The following TIAM1 variants were observed in gnomAD, a reference collection of about 807,000 sequenced individuals.
The protein encoded by TIAM1 is rho guanine nucleotide exchange factor TIAM1.
A neutral mutation model predicts 163.5 loss-of-function variants in TIAM1; 65 were observed. The observed-to-expected ratio is 0.40, with a 90% confidence interval of 0.33 to 0.49. The LOEUF is 0.49. TIAM1 is among the 20% of genes least tolerant of loss of function. TIAM1 has a pLI of 0.77. For missense variants in TIAM1, 1,789 were observed against 2,044.7 expected (o/e 0.87, Z 2.41); for synonymous variants, 833 against 810.1 (o/e 1.03, Z -0.48).
intron 15 of TIAM1, among the ~76,000 whole-genome samples, chr21:31,180,599 G>A (rs1199152771): frequency 6.6e-6 from 1 of 152,094 alleles, no homozygotes; most frequent in Admixed American, 6.5e-5. Flanking sequence ...AGTACACACT[G>A]TTGCTTATAG....
chr21:31,136,928 T>C (rs1472604152), intron 22 of TIAM1, among the ~76,000 whole-genome samples: 4 of 152,222 alleles, frequency 2.6e-5, no homozygotes, highest in Non-Finnish European at 5.9e-5. Flanking sequence ...GTTTGAAGAT[T>C]CCTCTATTGG....
In TIAM1 at chr21:31,266,324, G is replaced by T. The variant is rs763667980; in HGVS notation, c.649C>A (p.Arg217=). The T allele has an allele frequency of 2.5e-6, 4 of 1,614,074 alleles. No individual in the cohort carries two copies. The African/African-American group carries it at 4.0e-5, about 16-fold the overall frequency. ...GTGCTGAGCTGCCGCGGACTCGCCC[G>T]CGTTTCCATCCCCCGAGCCTCCTCG... is the stretch of plus-strand genomic sequence containing the variant. ...DCEEARGMET[R]ASPRQLSTCQ... The change falls in exon 4 of 28, where the codon CGG becomes AGG. Residue 217 remains arginine (R), a synonymous_variant. Coordinates refer to ENST00000541036, the MANE Select transcript of TIAM1 (RefSeq NM_001353694.2).
intron 15 of TIAM1, among the ~76,000 whole-genome samples, chr21:31,171,409 C>A (rs1015159238): frequency 3.3e-5 from 5 of 152,108 alleles, no homozygotes; most frequent in African/African-American, 9.7e-5. Context: ...TGTAAAAAGG[C>A]ACCATAAATA....
At chr21:31,325,882 T>C (rs1040938903) in intron 2 of TIAM1, among the ~76,000 whole-genome samples, 5 of 152,186 alleles carry the variant, frequency 3.3e-5, no homozygotes, top group Admixed American at 6.5e-5. Context: ...TACTTTCACA[T>C]GCAACTGCGA....
chr21:31,395,753 G>A lies in TIAM1; in HGVS notation c.-368-56331C>T, dbSNP rs1294530464. Among the ~76,000 whole-genome samples the A allele has an allele frequency of 6.6e-6, 1 of 152,140 alleles. No individual in the cohort carries two copies. The highest frequency in any genetic ancestry group is 1.5e-5 in the Non-Finnish European group (1 of 68,020). On this transcript the variant is annotated intron_variant, in intron 2 of 28. Coordinates refer to the TIAM1 transcript ENST00000286827. The surrounding 1 kb of genome is among the most constrained non-coding windows in gnomAD (Gnocchi z 7.5). ...CGTGAAAATTTTTGCTTTATAAATTGGGGAGGTTATTAAAAGGACGTGAGA... is the reference window on the plus strand; with the variant it reads ...CGTGAAAATTTTTGCTTTATAAATTAGGGAGGTTATTAAAAGGACGTGAGA...
intron 16 of TIAM1, chr21:31,160,625 C>T (rs971504352): frequency 2.3e-5 from 9 of 397,348 alleles, no homozygotes; most frequent in African/African-American, 4.1e-5. Context: ...GAGCACCAAA[C>T]GCCTCCTAGC....
chr21:31,187,901 G>A (rs1188864195), intron 13 of TIAM1, among the ~76,000 whole-genome samples: 1 of 152,050 alleles, frequency 6.6e-6, no homozygotes, highest in Non-Finnish European at 1.5e-5. Flanking sequence ...CTTTGCTAAG[G>A]GAAAGAAATA....
At chr21:31,458,612 C>A (rs1171088731) in intron 2 of TIAM1, among the ~76,000 whole-genome samples, 1 of 152,162 alleles carries the variant, frequency 6.6e-6, no homozygotes, top group Non-Finnish European at 1.5e-5. Flanking sequence ...AATGACAGCA[C>A]CTGCGCTGAT....
At position 31,132,107 on chromosome 21, in the gene TIAM1, C is replaced by T. The variant is rs142864979; in HGVS notation, c.3884-1159G>A. Among the ~76,000 whole-genome samples, 692 of 152,252 alleles carry T rather than the reference C, an allele frequency of 4.5e-3. 2 individuals are homozygous for T. The highest frequency in any genetic ancestry group is 0.016 in the African/African-American group (649 of 41,526). ...CTGAAGGAGGCACAGCCTTGTACACCAGACACAGAATTACAAAAGGAACAA... is the reference window on the plus strand; with the variant it reads ...CTGAAGGAGGCACAGCCTTGTACACTAGACACAGAATTACAAAAGGAACAA... On this transcript the variant is annotated intron_variant, in intron 23 of 27. Transcript: ENST00000541036.
intron 15 of TIAM1, among the ~76,000 whole-genome samples, chr21:31,177,350 T>TA (rs2146417103): frequency 6.6e-6 from 1 of 152,294 alleles, no homozygotes; most frequent in East Asian, 1.9e-4. Context: ...CTCATGCCTA[T>TA]AATCCCTGCA....
In TIAM1 at chr21:31,458,631, T is replaced by C. The variant is rs2284519; in HGVS notation, c.-369+5352A>G. On this transcript the variant is annotated intron_variant, in intron 2 of 28. Transcript: ENST00000286827. ...ACAGCACCTGCGCTGATTTAGACAA[T>C]GGGCACCTGCATCCTTGGGAACCCT... Among the ~76,000 whole-genome samples, 85 of 152,178 alleles carry C rather than the reference T, an allele frequency of 5.6e-4. 2 individuals are homozygous for C. The East Asian group carries it at 0.017, about 30-fold the overall frequency.
intron 2 of TIAM1, among the ~76,000 whole-genome samples, chr21:31,314,253 T>A (rs925337205): frequency 5.3e-5 from 8 of 152,294 alleles, no homozygotes; most frequent in African/African-American, 1.7e-4. Flanking sequence ...ATATATTTTT[T>A]TTAAGTTTTA....
chr21:31,244,491 G>C (rs151001407), intron 6 of TIAM1, among the ~76,000 whole-genome samples: 1 of 152,150 alleles, frequency 6.6e-6, no homozygotes, highest in Non-Finnish European at 1.5e-5. Flanking sequence ...TTGGTAGGCC[G>C]AGGTGGGTGG....
intron 10 of TIAM1, among the ~76,000 whole-genome samples, chr21:31,210,919 C>T (rs539113118): frequency 6.6e-6 from 1 of 151,794 alleles, no homozygotes; most frequent in East Asian, 1.9e-4. Context: ...GAGAACTTTA[C>T]AGTTCAAAGC....
chr21:31,210,695 AAGAAAGAAAG>A lies in TIAM1; in HGVS notation c.2218-490_2218-481del, dbSNP rs201135941. ...AGAAAGAAAGAAAGAAAAAGAAAGA[AAGAAAGAAAG>A]AGAAAGAAAGAGAAAGAAAGAAAGA... On this transcript the variant is annotated intron_variant, in intron 10 of 27. Transcript: ENST00000541036. Among the ~76,000 whole-genome samples the A allele has an allele frequency of 1.1e-3, 129 of 116,748 alleles. 12 individuals carry two copies. The highest frequency in any genetic ancestry group is 5.3e-3 in the African/African-American group (123 of 23,168). 76.6% of individuals were successfully genotyped at this position (116,748 alleles called of 152,430 possible).
chr21:31,222,320 G>A (rs143893108), intron 8 of TIAM1, among the ~76,000 whole-genome samples: 202 of 152,174 alleles, frequency 1.3e-3, no homozygotes, highest in Non-Finnish European at 1.4e-3. Context: ...AGTGGGTGTC[G>A]ACTTGGAAAG....
At chr21:31,439,670 TAATATGTA>T (rs1291869197) in intron 2 of TIAM1, among the ~76,000 whole-genome samples, 1 of 151,602 alleles carries the variant, frequency 6.6e-6, no homozygotes, top group Non-Finnish European at 1.5e-5. Context: ...GACCAGTCAT[TAATATGTA>T]TAAGCTTCCT....
intron 4 of TIAM1, among the ~76,000 whole-genome samples, chr21:31,261,204 G>C (rs976911810): frequency 1.3e-5 from 2 of 150,950 alleles, no homozygotes; most frequent in African/African-American, 4.9e-5. Context: ...ATCTCTCTCC[G>C]TAATCAGTGT....
intron 22 of TIAM1, among the ~76,000 whole-genome samples, chr21:31,140,397 A>G (rs1387611181): frequency 2.0e-5 from 3 of 152,228 alleles, no homozygotes; most frequent in Non-Finnish European, 4.4e-5. Context: ...GTTACTATAT[A>G]TCATATCCCT....
Sources: allele counts gnomAD v4.1 joint callset (sites outside exome capture counted in the v4.1 genomes callset), GRCh38; gene constraint gnomAD v4.1.1; non-coding constraint Gnocchi (gnomAD v3.1); transcripts MANE v1.5; gene names NCBI Gene and HGNC (gene_info 2026-07-23, HGNC 2026-07-21).